The following KSR1 variants were observed in gnomAD, a reference collection of about 807,000 sequenced individuals.
The protein encoded by KSR1 is kinase suppressor of ras 1.
KSR1 carries 35 observed loss-of-function variants against 92.9 expected under a neutral mutation model. That is an observed-to-expected ratio of 0.38 (90% CI 0.29 to 0.50). The LOEUF (loss-of-function observed/expected upper bound fraction) is 0.50. KSR1 is among the 20% of genes least tolerant of loss of function. KSR1 has a pLI of 0.94. For missense variants in KSR1, 972 were observed against 1,158.5 expected (o/e 0.84, Z 2.34); for synonymous variants, 467 against 472.6 (o/e 0.99, Z 0.15).
intron 1 of KSR1, among the ~76,000 whole-genome samples, chr17:27,494,866 C>T (rs2068934128): frequency 6.6e-6 from 1 of 152,220 alleles, no homozygotes; most frequent in African/African-American, 2.4e-5. Context: ...CTCAGTGTGG[C>T]CTGCTGGGTG....
chr17:27,550,734 G>A (rs1370906023), intron 2 of KSR1, 26 bp downstream of exon 2: 3 of 755,412 alleles, frequency 4.0e-6, no homozygotes, highest in East Asian at 4.9e-5. Flanking sequence ...CTCAGCATAG[G>A]GATAGGCATG....
chr17:27,463,633 G>A (rs975554462), intron 1 of KSR1, among the ~76,000 whole-genome samples: 1 of 152,102 alleles, frequency 6.6e-6, no homozygotes, highest in Non-Finnish European at 1.5e-5. Flanking sequence ...GCAAAGGGGG[G>A]CCCCCTGGGC....
intron 6 of KSR1, among the ~76,000 whole-genome samples, chr17:27,589,841 C>G (rs1407229654): frequency 6.6e-6 from 1 of 152,174 alleles, no homozygotes; most frequent in East Asian, 1.9e-4. Context: ...GAAAATTGCC[C>G]TCTTGTTCCT....
intron 15 of KSR1, 68 bp downstream of exon 15, chr17:27,608,078 G>A (rs2289569): frequency 0.13 from 154,455 of 1,146,416 alleles, 11,594 homozygotes; most frequent in Admixed American, 0.25. Context: ...TGTTCCTCTC[G>A]CCCTGTTACT....
At chr17:27,486,383 A>T (rs576861387) in intron 1 of KSR1, among the ~76,000 whole-genome samples, 1 of 152,282 alleles carries the variant, frequency 6.6e-6, no homozygotes, top group South Asian at 2.1e-4. Context: ...AGTGCTCCCC[A>T]ACCCCATCCA....
At chr17:27,558,310 G>A (rs2071688206) in intron 2 of KSR1, 1 of 146,974 alleles carries the variant, frequency 6.8e-6, no homozygotes, top group South Asian at 2.1e-4. Context: ...TCATATGATA[G>A]ATATCATTTT....
rs553705587 is a variant in KSR1, at chr17:27,574,331, G to A, written c.373-3161G>A. 5.3e-5 allele frequency among the ~76,000 whole-genome samples: 8 copies of A among 152,320 alleles called. 1 individual carries two copies. The South Asian group carries it at 1.7e-3, about 32-fold the overall frequency. On this transcript the variant is annotated intron_variant, in intron 2 of 20. Coordinates refer to ENST00000644974, the MANE Select transcript of KSR1 (RefSeq NM_001394583.1). ...ACCATTTGTCTAATCTGCCTCCCCTGCTGGTGCCGTTCTCATCAGTGGTTC... is the reference window on the plus strand; with the variant it reads ...ACCATTTGTCTAATCTGCCTCCCCTACTGGTGCCGTTCTCATCAGTGGTTC...
intron 3 of KSR1, among the ~76,000 whole-genome samples, chr17:27,581,972 AT>A (rs1567851204): frequency 6.6e-6 from 1 of 152,166 alleles, no homozygotes; most frequent in African/African-American, 2.4e-5. Flanking sequence ...GATGCTCAGA[AT>A]AGCCCCTCGT....
Position 27,585,655 on chromosome 17 carries a change from A to G in KSR1, c.981-2A>G. The G allele has an allele frequency of 1.3e-6, 1 of 764,108 alleles. No individual in the cohort carries two copies. The allele number at this position is 764,108 out of a possible 1,614,324, so 47.3% of individuals were successfully genotyped here. Reference sequence around the variant, plus strand: ...CCCCTCTCTGCTTTTTGTCTCCTCCAGGTTTGGTAAGAGAGATTCATTTCC... The same window carrying G: ...CCCCTCTCTGCTTTTTGTCTCCTCCGGGTTTGGTAAGAGAGATTCATTTCC... On this transcript the variant is annotated splice_acceptor_variant, in intron 4 of 20. Coordinates refer to ENST00000644974, the MANE Select transcript of KSR1 (RefSeq NM_001394583.1). LOFTEE classifies it high-confidence loss of function.
At position 27,459,822 on chromosome 17, in the gene KSR1, G is replaced by A. The variant is rs2019346832; in HGVS notation, c.231+2948G>A. On this transcript the variant is annotated intron_variant, in intron 1 of 20. Transcript: ENST00000644974. This position sits in a 1 kb window ranked among gnomAD's most constrained non-coding sequence, Gnocchi z 4.6. ...GCCTGAAATTGGGTTGTGATGGGGTGTAGTGGGTCAGCGTGTCTGGTTGTC... is the reference window on the plus strand; with the variant it reads ...GCCTGAAATTGGGTTGTGATGGGGTATAGTGGGTCAGCGTGTCTGGTTGTC... Among the ~76,000 whole-genome samples the A allele has an allele frequency of 6.6e-6, 1 of 152,222 alleles. No homozygotes were observed. Among genetic ancestry groups the A allele is most frequent in the African/African-American group, 2.4e-5 (1 of 41,456 alleles).
In KSR1 at chr17:27,550,711, A is replaced by T. The variant is rs1191600414; in HGVS notation, c.372+3A>T. 5.2e-6 allele frequency: 4 copies of T among 762,540 alleles called. No individual in the cohort carries two copies. The highest frequency in any genetic ancestry group is 1.7e-5 in the African/African-American group (1 of 59,158). 47.2% of individuals were successfully genotyped at this position (762,540 alleles called of 1,614,324 possible). A position where few individuals can be genotyped will look rare whatever the true frequency, so the allele number is the denominator to read the frequency against. ...ACGTGAGGCCGGAGGTGGTGCAGGT[A>T]TGCAAGCTGGTTCTCAGCATAGGGA... On this transcript the variant is annotated splice_donor_region_variant and intron_variant, in intron 2 of 20. Transcript: ENST00000644974.
chr17:27,588,483 C>T lies in KSR1; in HGVS notation c.994C>T (p.His332Tyr). Reference protein sequence around the residue: ...DVSSMRFDLSHGSPQMVRRDI... With the variant: ...DVSSMRFDLSYGSPQMVRRDI... ...GGCCTCTTTCCCTGCAGATCTCTCG[C>T]ATGGATCCCCACAGATGGTACGGAG... The change falls in exon 6 of 21, where the codon CAT (histidine) becomes TAT (tyrosine). Residue 332 changes from histidine (H) to tyrosine (Y), a missense_variant. Physicochemically the swap from His to Tyr is moderately conservative, Grantham distance 83 (BLOSUM62 2). This residue lies in a region of KSR1 where 611 missense variants were observed against 668.0 expected (regional missense o/e 0.91). Transcript: ENST00000644974. 6.3e-7 allele frequency: 1 copy of T among 1,584,896 alleles called. No individual in the cohort carries two copies. The highest frequency in any genetic ancestry group is 8.6e-7 in the Non-Finnish European group (1 of 1,165,728).
intron 2 of KSR1, among the ~76,000 whole-genome samples, chr17:27,574,929 G>A (rs879757170): frequency 5.3e-5 from 8 of 152,184 alleles, no homozygotes; most frequent in East Asian, 1.9e-4. Context: ...GCTCTAGTGC[G>A]CATCTTACTG....
chr17:27,622,239 GTTC>G (rs931257728), intron 20 of KSR1: 3 of 451,234 alleles, frequency 6.6e-6, no homozygotes, highest in Non-Finnish European at 1.2e-5. Context: ...TTGCTCCCGT[GTTC>G]TTCTGAGGGC....
At chr17:27,543,453 G>A (rs897219326) in intron 1 of KSR1, among the ~76,000 whole-genome samples, 6 of 152,184 alleles carry the variant, frequency 3.9e-5, no homozygotes, top group African/African-American at 1.4e-4. Flanking sequence ...CCATGTTCCT[G>A]GGGATCCCTG....
Position 27,590,830 on chromosome 17 carries a change from C to A in KSR1, c.1066C>A (p.Leu356Met). The A allele has an allele frequency of 1.9e-6, 3 of 1,611,432 alleles. No individual in the cohort carries two copies. Among genetic ancestry groups the A allele is most frequent in the Non-Finnish European group, 2.5e-6 (3 of 1,178,954 alleles). The change falls in exon 7 of 21, where the codon CTG (leucine) becomes ATG (methionine). Residue 356 changes from leucine (L) to methionine (M), a missense_variant. Coordinates refer to ENST00000644974, the MANE Select transcript of KSR1 (RefSeq NM_001394583.1). ...VTHRFSTKSW[L>M]SQVCHVCQKS... ...CTGCAGGTTCTCCACCAAGTCCTGG[C>A]TGTCGCAGGTCTGCCACGTGTGCCA...
At chr17:27,502,236 G>A (rs2069215772) in intron 1 of KSR1, among the ~76,000 whole-genome samples, 1 of 152,228 alleles carries the variant, frequency 6.6e-6, no homozygotes, top group Non-Finnish European at 1.5e-5. Flanking sequence ...GGAGAAAGCT[G>A]TATGCCTGTC....
At chr17:27,460,115 C>T (rs1347667874) in intron 1 of KSR1, among the ~76,000 whole-genome samples, 3 of 152,108 alleles carry the variant, frequency 2.0e-5, no homozygotes, top group Admixed American at 1.3e-4. Flanking sequence ...GTTCTGTCTC[C>T]GCTAGACCCT....
At chr17:27,594,294 C>G (rs764112749) in intron 9 of KSR1, among the ~76,000 whole-genome samples, 5 of 152,134 alleles carry the variant, frequency 3.3e-5, no homozygotes, top group Non-Finnish European at 5.9e-5. Context: ...ATTTTCCCAG[C>G]CCGTCACAGA....
Sources: gnomAD v4.1 joint callset for allele counts (sites outside exome capture counted in the v4.1 genomes callset) on GRCh38, gnomAD v4.1.1 for gene constraint, gnomAD v4.1.1 regional missense constraint, Gnocchi (gnomAD v3.1) non-coding constraint, MANE v1.5 for transcripts, NCBI Gene and HGNC (gene_info 2026-07-23, HGNC 2026-07-21) for gene names.